The following CACNB2 variants were observed in gnomAD, a reference collection of about 807,000 sequenced individuals.
The protein encoded by CACNB2 is voltage-dependent L-type calcium channel subunit beta-2.
Under a neutral mutation model 73.3 loss-of-function variants are expected in CACNB2, and 42 were observed. The ratio of observed to expected loss-of-function variants is 0.57; its 90% CI spans 0.45 to 0.74. The LOEUF (loss-of-function observed/expected upper bound fraction) is 0.74, where lower values mean the gene tolerates loss of function less well. CACNB2 is among the 30% of genes least tolerant of loss of function. The pLI, the probability that CACNB2 is intolerant of heterozygous loss-of-function variation, is 0.00. For synonymous variants in CACNB2, 348 were observed against 310.3 expected, an observed-to-expected ratio of 1.12 and a Z score of -1.28; for missense variants, 940 against 853.0, an observed-to-expected ratio of 1.10 and a Z score of -1.27.
At chr10:18,265,091 C>T (rs1013086855) in intron 2 of CACNB2, among the ~76,000 whole-genome samples, 2 of 151,618 alleles carry the variant, frequency 1.3e-5, no homozygotes, top group African/African-American at 2.4e-5. Flanking sequence ...GTGCATTTCC[C>T]TGATAACTAA....
chr10:18,513,585 C>T, intron 6 of CACNB2: 1 of 366,794 alleles, frequency 2.7e-6, no homozygotes, highest in Non-Finnish European at 5.4e-6. Context: ...GTTGTCTCCA[C>T]TGCTTTACGA....
intron 2 of CACNB2, among the ~76,000 whole-genome samples, chr10:18,171,156 G>T (rs373996120): frequency 5.3e-5 from 8 of 152,160 alleles, no homozygotes; most frequent in African/African-American, 1.9e-4. Flanking sequence ...GAATTGGGTA[G>T]ATCTGTTAAG....
chr10:18,477,756 C>T (rs554265024), intron 3 of CACNB2, among the ~76,000 whole-genome samples: 1 of 152,288 alleles, frequency 6.6e-6, no homozygotes, highest in African/African-American at 2.4e-5. Context: ...CTTATATATT[C>T]CTCCGGCTTT....
At chr10:18,193,754 T>C (rs896191727) in intron 2 of CACNB2, among the ~76,000 whole-genome samples, 1 of 152,122 alleles carries the variant, frequency 6.6e-6, no homozygotes, top group Non-Finnish European at 1.5e-5. Context: ...ACAGATAAAC[T>C]CCTAGATTCA....
chr10:18,149,809 C>T (rs909401757), intron 1 of CACNB2, among the ~76,000 whole-genome samples: 1 of 152,130 alleles, frequency 6.6e-6, no homozygotes, highest in Non-Finnish European at 1.5e-5. Context: ...TCTTCCAACC[C>T]CTGTATAGGT....
chr10:18,476,679 C>T (rs1476113356), intron 3 of CACNB2, among the ~76,000 whole-genome samples: 1 of 152,104 alleles, frequency 6.6e-6, no homozygotes, highest in Admixed American at 6.6e-5. Context: ...GGCCCCAGAC[C>T]AGCCTGAATG....
chr10:18,234,435 G>A (rs779911475), intron 2 of CACNB2, among the ~76,000 whole-genome samples: 2 of 152,144 alleles, frequency 1.3e-5, no homozygotes, highest in African/African-American at 4.8e-5. Context: ...AGAGAGATTT[G>A]TACAGCCATA....
chr10:18,408,829 TTAC>T (rs1421503198), intron 3 of CACNB2, among the ~76,000 whole-genome samples: 1 of 152,166 alleles, frequency 6.6e-6, no homozygotes, highest in Admixed American at 6.6e-5. Flanking sequence ...GTATTTTTTC[TTAC>T]TACTAGTTTT....
chr10:18,259,206 A>AT (rs2131587620), intron 2 of CACNB2, among the ~76,000 whole-genome samples: 2 of 152,260 alleles, frequency 1.3e-5, no homozygotes, highest in South Asian at 4.1e-4. Flanking sequence ...TTAAGGCAGA[A>AT]TTTTTTTGTC....
At chr10:18,356,131 C>CCCTTCCCA (rs1044434445) in intron 2 of CACNB2, among the ~76,000 whole-genome samples, 1 of 152,202 alleles carries the variant, frequency 6.6e-6, no homozygotes, top group African/African-American at 2.4e-5. Context: ...ACACAGCCCT[C>CCCTTCCCA]CCTTCCCACC....
chr10:18,476,488 CGCT>C (rs2048447446), intron 3 of CACNB2, among the ~76,000 whole-genome samples: 1 of 152,070 alleles, frequency 6.6e-6, no homozygotes, highest in African/African-American at 2.4e-5. Flanking sequence ...TTGGTATACA[CGCT>C]ATGTAAATGA....
chr10:18,226,422 T>G (rs2035995666), intron 2 of CACNB2, among the ~76,000 whole-genome samples: 1 of 152,184 alleles, frequency 6.6e-6, no homozygotes, highest in Non-Finnish European at 1.5e-5. Flanking sequence ...TACAGTGAGA[T>G]CTGAGTTAAC....
intron 2 of CACNB2, among the ~76,000 whole-genome samples, chr10:18,186,082 G>A (rs7081665): frequency 0.022 from 3,337 of 152,158 alleles, 119 homozygotes; most frequent in African/African-American, 0.077. Context: ...TGGAATGAAG[G>A]GAATATAATT....
chr10:18,252,209 G>A (rs980672677), intron 2 of CACNB2, among the ~76,000 whole-genome samples: 1 of 152,088 alleles, frequency 6.6e-6, no homozygotes. Context: ...TCCCCTGACC[G>A]TCAGTCTAAG....
chr10:18,210,855 A>C (rs948409326), intron 2 of CACNB2, among the ~76,000 whole-genome samples: 3 of 152,198 alleles, frequency 2.0e-5, no homozygotes, highest in African/African-American at 7.2e-5. Context: ...GTGGAGTGGT[A>C]GTTGATAAGC....
chr10:18,528,567 G>A (rs1210006070), intron 10 of CACNB2, among the ~76,000 whole-genome samples: 4 of 152,108 alleles, frequency 2.6e-5, no homozygotes, highest in East Asian at 3.9e-4. Context: ...GAAGTTCTTC[G>A]TTTACTCTGA....
chr10:18,454,538 C>G (rs912983), intron 3 of CACNB2, among the ~76,000 whole-genome samples: 1 of 152,120 alleles, frequency 6.6e-6, no homozygotes, highest in Non-Finnish European at 1.5e-5. Flanking sequence ...AAACGTTTGC[C>G]CCCTTGGGGA....
At chr10:18,470,888 G>A (rs1159393457) in intron 3 of CACNB2, among the ~76,000 whole-genome samples, 1 of 152,174 alleles carries the variant, frequency 6.6e-6, no homozygotes, top group Non-Finnish European at 1.5e-5. Flanking sequence ...ACATGCAAGG[G>A]GAAAGGGTAT....
chr10:18,506,951 A>G (rs2050523114), intron 6 of CACNB2, among the ~76,000 whole-genome samples: 1 of 152,146 alleles, frequency 6.6e-6, no homozygotes, highest in South Asian at 2.1e-4. Context: ...GGTGCACACC[A>G]CCATGCCCGG....
Sources: gnomAD v4.1 joint callset for allele counts (sites outside exome capture counted in the v4.1 genomes callset) on GRCh38, gnomAD v4.1.1 for gene constraint, MANE v1.5 for transcripts, NCBI Gene and HGNC (gene_info 2026-07-23, HGNC 2026-07-21) for gene names.